Variants in ZRANB3 observed in about 807,000 individuals in gnomAD.
ZRANB3 encodes the protein zinc finger RANBP2-type containing 3, also known as DNA annealing helicase and endonuclease ZRANB3.
ZRANB3 carries 125 observed loss-of-function variants against 133.8 expected under a neutral mutation model. The observed-to-expected ratio is 0.93, with a 90% confidence interval of 0.81 to 1.08. ZRANB3 has a LOEUF of 1.08. Among genes scored for constraint, ZRANB3 ranks in the 50% least tolerant of loss-of-function variants. The pLI, the probability that ZRANB3 is intolerant of heterozygous loss-of-function variation, is 0.00. For missense variants in ZRANB3, 1,229 were observed against 1,275.5 expected (o/e 0.96, Z 0.56); for synonymous variants, 387 against 432.7 (o/e 0.89, Z 1.31).
chr2:135,289,733 T>A (rs187115445), intron 8 of ZRANB3, among the ~76,000 whole-genome samples: 50 of 152,230 alleles, frequency 3.3e-4, no homozygotes, highest in Admixed American at 2.7e-3. Context: ...TGAGACCCCA[T>A]CTCTACTAAA....
intron 2 of ZRANB3, among the ~76,000 whole-genome samples, chr2:135,395,195 T>C (rs1687431942): frequency 6.6e-6 from 1 of 151,932 alleles, no homozygotes; most frequent in Non-Finnish European, 1.5e-5. Flanking sequence ...AACAAATCCA[T>C]ACATCTACAG....
intron 1 of ZRANB3, among the ~76,000 whole-genome samples, chr2:135,519,462 A>G (rs553311222): frequency 1.4e-4 from 22 of 152,306 alleles, no homozygotes; most frequent in African/African-American, 5.1e-4. Flanking sequence ...AGTGAGCTAA[A>G]CAGAGCAAGA....
intron 12 of ZRANB3, among the ~76,000 whole-genome samples, chr2:135,233,622 C>G (rs1251980707): frequency 3.3e-5 from 5 of 152,318 alleles, no homozygotes; most frequent in South Asian, 2.1e-4. Flanking sequence ...AGCCAGAAGA[C>G]AGTGGGGGCC....
At chr2:135,218,656 T>G (rs1694413311) in intron 16 of ZRANB3, among the ~76,000 whole-genome samples, 1 of 152,208 alleles carries the variant, frequency 6.6e-6, no homozygotes, top group Non-Finnish European at 1.5e-5. Context: ...GAACTTGGCC[T>G]GAAGCTGCAT....
At chr2:135,526,004 A>C (rs768879812) in intron 1 of ZRANB3, among the ~76,000 whole-genome samples, 7 of 152,190 alleles carry the variant, frequency 4.6e-5, no homozygotes, top group Non-Finnish European at 1.0e-4. Flanking sequence ...TCAAATTCAG[A>C]AACAGAAAGT....
rs200443681 is a variant in ZRANB3 at position 135,502,230 on chromosome 2, AAAAG to A, written c.161+2095_161+2098del. Among the ~76,000 whole-genome samples the A allele has an allele frequency of 4.1e-3, 617 of 152,248 alleles. 4 individuals are homozygous for A. Among genetic ancestry groups the A allele is most frequent in the African/African-American group, 0.014 (587 of 41,524 alleles). Reference sequence around the variant, plus strand: ...TCCACTACTAACATCATGCTTTCCGAAAAGAAAGGACAATTCTAAGCTTCCAAAA... The same window carrying A: ...TCCACTACTAACATCATGCTTTCCGAAAAGGACAATTCTAAGCTTCCAAAA... On this transcript the variant is annotated intron_variant, in intron 2 of 20. Transcript: ENST00000264159.
chr2:135,359,219 A>G (rs1485549330), intron 3 of ZRANB3, among the ~76,000 whole-genome samples: 1 of 152,206 alleles, frequency 6.6e-6, no homozygotes, highest in African/African-American at 2.4e-5. Context: ...TTTTTATAAA[A>G]GAGTTTCCTT....
intron 2 of ZRANB3, among the ~76,000 whole-genome samples, chr2:135,459,027 C>T (rs1690649684): frequency 6.6e-6 from 1 of 152,114 alleles, no homozygotes; most frequent in Non-Finnish European, 1.5e-5. Context: ...AGATTATAAG[C>T]TAACTTTTTT....
At chr2:135,530,334 A>C (rs1195167313) in intron 1 of ZRANB3, among the ~76,000 whole-genome samples, 3 of 152,204 alleles carry the variant, frequency 2.0e-5, no homozygotes, top group Non-Finnish European at 4.4e-5. Flanking sequence ...TTAGCCGTGC[A>C]ATCTAATAGC....
At chr2:135,274,870 A>G (rs1680712270) in intron 9 of ZRANB3, among the ~76,000 whole-genome samples, 1 of 152,220 alleles carries the variant, frequency 6.6e-6, no homozygotes, top group South Asian at 2.1e-4. Flanking sequence ...AACAAAGCAC[A>G]TCTTGCACCA....
At chr2:135,441,940 A>G (rs750154490) in intron 2 of ZRANB3, among the ~76,000 whole-genome samples, 45 of 152,202 alleles carry the variant, frequency 3.0e-4, no homozygotes, top group Admixed American at 1.8e-3. Flanking sequence ...GTGAAGGAAC[A>G]TAAGACAAAT....
Position 135,350,015 on chromosome 2 carries a change from G to A in ZRANB3, c.560C>T (p.Thr187Ile). 1 of 1,613,788 alleles carries A rather than the reference G, an allele frequency of 6.2e-7. No individual in the cohort carries two copies. The highest frequency in any genetic ancestry group is 8.5e-7 in the Non-Finnish European group (1 of 1,179,854). Residue 187 changes from threonine to isoleucine, a missense_variant, in exon 5 of 21, where the codon ACA becomes ATA. Coordinates refer to ENST00000264159, the MANE Select transcript of ZRANB3 (RefSeq NM_032143.4). The part of the protein sequence containing the change: ...VQKARRAILL[T>I]GTPALGRPEE... The stretch of plus-strand genomic sequence containing the variant: ...AGGCCTTCCTAAAGCTGGTGTTCCT[G>A]TAAGAAGAATGGCTCGTCTGGCTTT...
chr2:135,267,432 C>T (rs1206202290), intron 11 of ZRANB3, among the ~76,000 whole-genome samples: 2 of 152,046 alleles, frequency 1.3e-5, no homozygotes, highest in Non-Finnish European at 2.9e-5. Context: ...GGGCAGAACC[C>T]TCATGACCCA....
intron 2 of ZRANB3, among the ~76,000 whole-genome samples, chr2:135,466,437 C>G: frequency 8.0e-6 from 1 of 124,284 alleles, no homozygotes; most frequent in Middle Eastern, 4.1e-3. Flanking sequence ...GATGAATAAA[C>G]TATTATAAGA....
intron 1 of ZRANB3, among the ~76,000 whole-genome samples, chr2:135,521,215 C>G (rs1325295388): frequency 6.6e-6 from 1 of 152,198 alleles, no homozygotes; most frequent in Non-Finnish European, 1.5e-5. Context: ...CATTATGCAA[C>G]ATTGCCTCTC....
intron 3 of ZRANB3, among the ~76,000 whole-genome samples, chr2:135,383,847 T>C (rs1053484984): frequency 1.3e-5 from 2 of 151,652 alleles, no homozygotes; most frequent in African/African-American, 4.8e-5. Context: ...TAAAGCAGTG[T>C]GTAGAGGGAA....
intron 9 of ZRANB3, among the ~76,000 whole-genome samples, chr2:135,273,046 CG>C (rs1377285048): frequency 6.6e-6 from 1 of 151,536 alleles, no homozygotes; most frequent in African/African-American, 2.4e-5. Context: ...ATTAGCTGGA[CG>C]TGGTGGCGGG....
intron 12 of ZRANB3, among the ~76,000 whole-genome samples, chr2:135,261,389 C>T (rs1455026594): frequency 2.0e-5 from 3 of 152,216 alleles, no homozygotes; most frequent in South Asian, 4.2e-4. Flanking sequence ...GCACACCCAC[C>T]TAAAGTCAAT....
At chr2:135,264,483 A>AAAAAG (rs925777579) in intron 12 of ZRANB3, among the ~76,000 whole-genome samples, 20 of 151,652 alleles carry the variant, frequency 1.3e-4, no homozygotes, top group African/African-American at 3.4e-4. Flanking sequence ...AAAAAAAAAA[A>AAAAAG]AAAAGAAAAG....
Sources: gnomAD v4.1 joint callset for allele counts (sites outside exome capture counted in the v4.1 genomes callset) on GRCh38, gnomAD v4.1.1 for gene constraint, MANE v1.5 for transcripts, NCBI Gene and HGNC (gene_info 2026-07-23, HGNC 2026-07-21) for gene names.